KIAA1217: variants seen among roughly 807,000 people sequenced by gnomAD.
The protein encoded by KIAA1217 is KIAA1217.
KIAA1217 carries 88 observed loss-of-function variants against 163.9 expected under a neutral mutation model. The ratio of observed to expected loss-of-function variants is 0.54; its 90% CI spans 0.45 to 0.64. The LOEUF is 0.64. Among genes scored for constraint, KIAA1217 ranks in the 30% least tolerant of loss-of-function variants. The pLI, the probability that KIAA1217 is intolerant of heterozygous loss-of-function variation, is 0.00. For missense variants in KIAA1217, 2,372 were observed against 2,475.0 expected (o/e 0.96, Z 0.88); for synonymous variants, 903 against 923.1 (o/e 0.98, Z 0.39).
chr10:23,899,574 G>T (rs763785839), intron 1 of KIAA1217, among the ~76,000 whole-genome samples: 13 of 152,216 alleles, frequency 8.5e-5, no homozygotes, highest in Middle Eastern at 3.4e-3. Flanking sequence ...CCGTAACTCT[G>T]TCAGCTCTTT....
At chr10:24,386,847 G>A (rs906284193) in intron 3 of KIAA1217, among the ~76,000 whole-genome samples, 2 of 152,104 alleles carry the variant, frequency 1.3e-5, no homozygotes, top group Admixed American at 1.3e-4. Context: ...TTAAAATGCT[G>A]GGATTACAGG....
chr10:23,799,613 A>G (rs943185406), intron 1 of KIAA1217, among the ~76,000 whole-genome samples: 1 of 152,200 alleles, frequency 6.6e-6, no homozygotes, highest in Non-Finnish European at 1.5e-5. Flanking sequence ...TATTCTTCTA[A>G]GGAATTAGGA....
chr10:23,697,894 T>G (rs1836158420), intron 1 of KIAA1217, among the ~76,000 whole-genome samples: 1 of 151,696 alleles, frequency 6.6e-6, no homozygotes, highest in South Asian at 2.1e-4. Flanking sequence ...AAAAAAAGTG[T>G]ACAACAAAAC....
chr10:23,905,798 C>G (rs990693488), intron 1 of KIAA1217, among the ~76,000 whole-genome samples: 1 of 152,110 alleles, frequency 6.6e-6, no homozygotes, highest in Admixed American at 6.5e-5. Flanking sequence ...AACCATTCCC[C>G]CAAAAGTCCA....
At chr10:24,530,348 T>TA (rs2072936284) in intron 14 of KIAA1217, among the ~76,000 whole-genome samples, 1 of 152,242 alleles carries the variant, frequency 6.6e-6, no homozygotes, top group Non-Finnish European at 1.5e-5. Flanking sequence ...TTTTCTTTTT[T>TA]AATGCATCTC....
At chr10:24,218,078 GAA>G (rs1383946386) in intron 1 of KIAA1217, among the ~76,000 whole-genome samples, 2 of 152,188 alleles carry the variant, frequency 1.3e-5, no homozygotes, top group African/African-American at 4.8e-5. Flanking sequence ...TTTATGATAA[GAA>G]CTGTTCTTCG....
chr10:24,349,650 G>T (rs2048214491), intron 2 of KIAA1217, among the ~76,000 whole-genome samples: 1 of 152,162 alleles, frequency 6.6e-6, no homozygotes, highest in South Asian at 2.1e-4. Context: ...ATGGTGTGCT[G>T]GTGGGATTGT....
intron 6 of KIAA1217, among the ~76,000 whole-genome samples, chr10:24,487,437 C>A (rs956921972): frequency 6.6e-6 from 1 of 152,246 alleles, no homozygotes; most frequent in African/African-American, 2.4e-5. Context: ...GATAATCAAT[C>A]GTCTCCCGAG....
At chr10:23,765,810 G>T (rs1834491433) in intron 1 of KIAA1217, among the ~76,000 whole-genome samples, 1 of 152,148 alleles carries the variant, frequency 6.6e-6, no homozygotes, top group East Asian at 1.9e-4. Flanking sequence ...CTGTGAGTCT[G>T]TTCGATCTCT....
chr10:24,417,477 C>A (rs1440082465), intron 3 of KIAA1217, among the ~76,000 whole-genome samples: 1 of 152,164 alleles, frequency 6.6e-6, no homozygotes, highest in African/African-American at 2.4e-5. Context: ...GTGAGGGTGG[C>A]AAAGACCAAT....
intron 1 of KIAA1217, among the ~76,000 whole-genome samples, chr10:23,796,569 G>A: frequency 6.6e-6 from 1 of 152,012 alleles, no homozygotes. Flanking sequence ...CACCATGTTG[G>A]CCAGGATGGT....
At chr10:23,957,880 C>CA (rs1251378195) in intron 1 of KIAA1217, among the ~76,000 whole-genome samples, 1 of 152,146 alleles carries the variant, frequency 6.6e-6, no homozygotes, top group Non-Finnish European at 1.5e-5. Flanking sequence ...GCAACCCCCA[C>CA]AAAAAACAAA....
At chr10:23,909,964 C>T (rs1842359654) in intron 1 of KIAA1217, among the ~76,000 whole-genome samples, 1 of 152,164 alleles carries the variant, frequency 6.6e-6, no homozygotes, top group African/African-American at 2.4e-5. Flanking sequence ...TCTGTCGTTT[C>T]CTGACTTTTG....
At chr10:23,826,015 T>G (rs1398110788) in intron 1 of KIAA1217, among the ~76,000 whole-genome samples, 1 of 152,182 alleles carries the variant, frequency 6.6e-6, no homozygotes, top group African/African-American at 2.4e-5. Flanking sequence ...TACCATCTCC[T>G]TGCCTCCTGG....
At chr10:24,410,082 C>T (rs570756895) in intron 3 of KIAA1217, among the ~76,000 whole-genome samples, 7 of 149,908 alleles carry the variant, frequency 4.7e-5, no homozygotes, top group East Asian at 3.9e-4. Context: ...CTGTAACCTC[C>T]GCCTCCCGGG....
intron 1 of KIAA1217, among the ~76,000 whole-genome samples, chr10:23,930,170 G>T (rs1044011825): frequency 6.6e-6 from 1 of 151,192 alleles, no homozygotes; most frequent in Non-Finnish European, 1.5e-5. Flanking sequence ...TATCTTTCTC[G>T]GTCACTAGTT....
chr10:23,884,272 G>A (rs1841079501), intron 1 of KIAA1217, among the ~76,000 whole-genome samples: 2 of 151,892 alleles, frequency 1.3e-5, no homozygotes, highest in South Asian at 4.1e-4. Flanking sequence ...ACCAGCATTT[G>A]GTGTTGTCCG....
chr10:24,035,337 G>A (rs927812534), intron 2 of KIAA1217, among the ~76,000 whole-genome samples: 1 of 152,128 alleles, frequency 6.6e-6, no homozygotes, highest in Non-Finnish European at 1.5e-5. Flanking sequence ...GAGAGCTAGG[G>A]CCCTGCCACA....
chr10:23,754,053 A>G (rs925804590), intron 1 of KIAA1217, among the ~76,000 whole-genome samples: 45 of 152,080 alleles, frequency 3.0e-4, no homozygotes, highest in African/African-American at 1.1e-3. Context: ...TTCCCCCTGT[A>G]CGCTATTTAA....
Sources: gnomAD v4.1 joint callset for allele counts (sites outside exome capture counted in the v4.1 genomes callset) on GRCh38, gnomAD v4.1.1 for gene constraint, MANE v1.5 for transcripts, NCBI Gene and HGNC (gene_info 2026-07-23, HGNC 2026-07-21) for gene names.